Variants in ZBTB45 observed in about 807,000 individuals in gnomAD.
ZBTB45 encodes the protein zinc finger and BTB domain-containing protein 45.
Under a neutral mutation model 28.4 loss-of-function variants are expected in ZBTB45, and 22 were observed. The ratio of observed to expected loss-of-function variants is 0.77; its 90% CI spans 0.55 to 1.10. ZBTB45 has a LOEUF of 1.10. Ranked by LOEUF, ZBTB45 falls within the 50% of genes least tolerant of loss-of-function variation. The pLI, the probability that ZBTB45 is intolerant of heterozygous loss-of-function variation, is 0.00. For missense variants in ZBTB45, 656 were observed against 750.2 expected (o/e 0.87, Z 1.47); for synonymous variants, 361 against 332.3 (o/e 1.09, Z -0.94).
At position 58,514,307 on chromosome 19, in the gene ZBTB45, T is replaced by A. The variant is rs1299990990; in HGVS notation, c.1283A>T (p.Glu428Val). ...YTKHMFIHSGEKPHQCAVCWR... is the reference protein window; with the variant it reads ...YTKHMFIHSGVKPHQCAVCWR... Reference sequence around the variant, plus strand: ...GCACACGGCGCACTGGTGCGGCTTCTCCCCTGCGGAAGACAGGGCGGGCCG... The same window carrying A: ...GCACACGGCGCACTGGTGCGGCTTCACCCCTGCGGAAGACAGGGCGGGCCG... Residue 428 changes from glutamate to valine, a missense_variant, in exon 3 of 3, where the codon GAG becomes GTG. By Grantham distance (121) the Glu-to-Val change is moderately radical. Transcript: ENST00000594051. 3 of 1,599,026 alleles carry A rather than the reference T, an allele frequency of 1.9e-6. No individual in the cohort carries two copies.
At chr19:58,524,222 C>T (rs113742427), upstream of ZBTB45, among the ~76,000 whole-genome samples, 32,756 of 149,988 alleles carry the variant, frequency 0.22, 4,200 homozygotes, top group Non-Finnish European at 0.29. Context: ...ATTAGCCAGG[C>T]GTGGTGGTGG....
rs56179578 is a variant in ZBTB45, at chr19:58,517,605, G to A, written c.69C>T (p.Leu23=). Reference sequence around the variant, plus strand: ...AGTGTCCCCCAAGCCTCTGCCCATTGAGGGTCTCAAGCAGAGAGCGTGAGA... The same window carrying A: ...AGTGTCCCCCAAGCCTCTGCCCATTAAGGGTCTCAAGCAGAGAGCGTGAGA... ...QNFSRSLLET[L]NGQRLGGHFC... Residue 23 remains leucine, a synonymous_variant, in exon 2 of 3, where the codon CTC becomes CTT. Transcript: ENST00000594051. 6.2e-7 allele frequency: 1 copy of A among 1,613,972 alleles called. No homozygotes were observed. The highest frequency in any genetic ancestry group is 8.5e-7 in the Non-Finnish European group (1 of 1,179,974).
At chr19:58,525,490 G>A (rs754724002) in intron 1 of ZBTB45, among the ~76,000 whole-genome samples, 8 of 152,190 alleles carry the variant, frequency 5.3e-5, no homozygotes, top group African/African-American at 1.7e-4. Context: ...CATGGGAGCC[G>A]TGTGAGGTGT....
At chr19:58,525,454 G>A (rs1444124197) in intron 1 of ZBTB45, among the ~76,000 whole-genome samples, 1 of 152,204 alleles carries the variant, frequency 6.6e-6, no homozygotes, top group Non-Finnish European at 1.5e-5. Context: ...GTGAAGACTT[G>A]AGCCCTTCTG....
chr19:58,514,142 G>T lies in ZBTB45; in HGVS notation c.1448C>A (p.Pro483His). ...GCAGGCGGGGCAGGGCGCGCGCTCG[G>T]GCCGGTGAGTGCGCATGTGCACGTT... ...SLNVHMRTHR[P>H]ERAPCPACGK... Residue 483 changes from proline (P) to histidine (H), a missense_variant, in exon 3 of 3, where the codon CCC becomes CAC. Physicochemically the swap from Pro to His is moderately conservative, Grantham distance 77. This residue lies in a region of ZBTB45 where 103 missense variants were observed against 153.5 expected (regional missense o/e 0.67). Coordinates refer to ENST00000594051, the MANE Select transcript of ZBTB45 (RefSeq NM_001316979.2). 1 of 1,606,072 alleles carries T rather than the reference G, an allele frequency of 6.2e-7. No homozygotes were observed.
At position 58,517,088 on chromosome 19, in the gene ZBTB45, C is replaced by T. The variant is rs976213344; in HGVS notation, c.586G>A (p.Asp196Asn). ...TPAKAEGPDA[D>N]PSLSAAPDDR... ...TCAGGGGCCGCGGACAGTGAGGGGT[C>T]AGCATCAGGCCCCTCAGCCTTGGCA... The change falls in exon 2 of 3, where the codon GAC becomes AAC. Residue 196 changes from aspartate (D) to asparagine (N), a missense_variant. Physicochemically the swap from Asp to Asn is conservative, Grantham distance 23. Around this residue, in one of 3 missense-constraint regions of ZBTB45, gnomAD observed 448 missense variants for 444.3 expected, o/e 1.01. Coordinates refer to ENST00000594051, the MANE Select transcript of ZBTB45 (RefSeq NM_001316979.2). The T allele has an allele frequency of 1.9e-6, 3 of 1,613,152 alleles. No individual in the cohort carries two copies. Among genetic ancestry groups the T allele is most frequent in the Non-Finnish European group, 2.5e-6 (3 of 1,179,960 alleles).
In ZBTB45 at chr19:58,517,068, G is replaced by A; in HGVS notation, c.606C>T (p.Ala202=). ...GPDADPSLSA[A]PDDRGDEDDE... ...CATCCTCGTCACCTCGGTCATCAGG[G>A]GCCGCGGACAGTGAGGGGTCAGCAT... The change falls in exon 2 of 3, where the codon GCC becomes GCT. Residue 202 remains alanine (A), a synonymous_variant. Transcript: ENST00000594051. 1.2e-6 allele frequency: 2 copies of A among 1,613,218 alleles called. No homozygotes were observed. The highest frequency in any genetic ancestry group is 4.5e-5 in the East Asian group (2 of 44,874).
In ZBTB45 at chr19:58,517,325, C is replaced by T. The variant is rs267605745; in HGVS notation, c.349G>A (p.Glu117Lys). The T allele has an allele frequency of 1.2e-6, 2 of 1,609,784 alleles. No individual in the cohort carries two copies. Among genetic ancestry groups the T allele is most frequent in the Non-Finnish European group, 1.7e-6 (2 of 1,179,476 alleles). ...GCGCGGGCGATAATCTGCGTGCATT[C>T]GTCGATAACTGTCTGTATGCGAAGC... is the stretch of plus-strand genomic sequence containing the variant. ...SVLRIQTVIDECTQIIARARA... is the reference protein window; with the variant it reads ...SVLRIQTVIDKCTQIIARARA... Residue 117 changes from glutamate (E) to lysine (K), a missense_variant, in exon 2 of 3, where the codon GAA becomes AAA. By Grantham distance (56) the Glu-to-Lys change is moderately conservative. This residue lies in a region of ZBTB45 where 448 missense variants were observed against 444.3 expected (regional missense o/e 1.01). Transcript: ENST00000594051.
At chr19:58,521,080 A>AG (rs1568647130), upstream of ZBTB45, among the ~76,000 whole-genome samples, 2 of 64,628 alleles carry the variant, frequency 3.1e-5, no homozygotes, top group African/African-American at 1.0e-4. Context: ...AAAAAAAAAA[A>AG]AAGGCCGGGC....
rs1265021442 is a variant in ZBTB45, at chr19:58,517,120, G to A, written c.554C>T (p.Pro185Leu). The change falls in exon 2 of 3, where the codon CCA (proline) becomes CTA (leucine). Residue 185 changes from proline to leucine, a missense_variant. Pro to Leu is a moderately conservative substitution (Grantham distance 98). Transcript: ENST00000594051. ...AGGCCCCTCAGCCTTGGCAGGTGTTGGGGGCGCTGGCAGCTGCAAACGCGC... is the reference window on the plus strand; with the variant it reads ...AGGCCCCTCAGCCTTGGCAGGTGTTAGGGGCGCTGGCAGCTGCAAACGCGC... ...QPARLQLPAP[P>L]TPAKAEGPDA... 2 of 1,612,880 alleles carry A rather than the reference G, an allele frequency of 1.2e-6. No homozygotes were observed. Among genetic ancestry groups the A allele is most frequent in the Non-Finnish European group, 1.7e-6 (2 of 1,179,838 alleles).
At position 58,515,877 on chromosome 19, in the gene ZBTB45, C is replaced by T. The variant is rs2053485766; in HGVS notation, c.1279+518G>A. Among the ~76,000 whole-genome samples the T allele has an allele frequency of 6.6e-6, 1 of 152,100 alleles. No homozygotes were observed. The highest frequency in any genetic ancestry group is 6.5e-5 in the Admixed American group (1 of 15,270). On this transcript the variant is annotated intron_variant, in intron 2 of 2. Transcript: ENST00000594051. The surrounding 1 kb of genome is among the most constrained non-coding windows in gnomAD (Gnocchi z 4.7). ...CGGGGTCCTCTGCAGCTGTGGAGTC[C>T]CCACACTACCTATGTTTTCCTACTC...
chr19:58,538,114 A>C (rs1001721565), intron 1 of ZBTB45, among the ~76,000 whole-genome samples: 1 of 152,048 alleles, frequency 6.6e-6, no homozygotes, highest in African/African-American at 2.4e-5. Flanking sequence ...CTGGGATTAC[A>C]GACGTGAGCC....
In ZBTB45 at chr19:58,515,787, C is replaced by T. The variant is rs903274509; in HGVS notation, c.1279+608G>A. ...ACCACCCTCCCACTCTTTACCTCTC[C>T]TGCAGCACTGCAGAGCCGCCTCCCT... On this transcript the variant is annotated intron_variant, in intron 2 of 2. Coordinates refer to ENST00000594051, the MANE Select transcript of ZBTB45 (RefSeq NM_001316979.2). This position sits in a 1 kb window ranked among gnomAD's most constrained non-coding sequence, Gnocchi z 4.7. Among the ~76,000 whole-genome samples the T allele has an allele frequency of 3.3e-5, 5 of 152,202 alleles. No individual in the cohort carries two copies. The highest frequency in any genetic ancestry group is 9.7e-5 in the African/African-American group (4 of 41,440).
At position 58,537,006 on chromosome 19, in the gene ZBTB45, C is replaced by T. The variant is rs930771951; in HGVS notation, c.-1+1695G>A. 1.7e-4 allele frequency among the ~76,000 whole-genome samples: 26 copies of T among 152,198 alleles called. 1 individual carries two copies. The highest frequency in any genetic ancestry group is 7.4e-5 in the Non-Finnish European group (5 of 68,012). ...GTATAAGGGATACTGACTGCTCTGC[C>T]GGGCCACCTGGGGAGCGGAGCCAAC... is the stretch of plus-strand genomic sequence containing the variant. On this transcript the variant is annotated intron_variant, in intron 1 of 1. Coordinates refer to the ZBTB45 transcript ENST00000600130.
chr19:58,533,008 A>AT (rs1337864851), intron 1 of ZBTB45, among the ~76,000 whole-genome samples: 3 of 149,624 alleles, frequency 2.0e-5, no homozygotes, highest in East Asian at 2.0e-4. Flanking sequence ...CTAATTTTGT[A>AT]TTTTTTTAGT....
intron 1 of ZBTB45, among the ~76,000 whole-genome samples, chr19:58,529,639 G>C (rs1369399693): frequency 6.6e-6 from 1 of 152,086 alleles, no homozygotes; most frequent in African/African-American, 2.4e-5. Flanking sequence ...TTTAAGTTCT[G>C]TGATACATGT....
At chr19:58,517,906 AT>A (rs1046743510) in intron 1 of ZBTB45, among the ~76,000 whole-genome samples, 8 of 135,740 alleles carry the variant, frequency 5.9e-5, no homozygotes, top group Admixed American at 3.7e-4. Context: ...ACAGCCCCCC[AT>A]TAACGCTGCA....
intron 1 of ZBTB45, among the ~76,000 whole-genome samples, chr19:58,536,390 C>T (rs1170602294): frequency 2.0e-5 from 3 of 147,870 alleles, no homozygotes; most frequent in South Asian, 2.3e-4. Context: ...GGCGTGAACC[C>T]GGGAGGCGGA....
At chr19:58,518,719 C>T (rs2053547073) in intron 1 of ZBTB45, among the ~76,000 whole-genome samples, 1 of 152,136 alleles carries the variant, frequency 6.6e-6, no homozygotes, top group African/African-American at 2.4e-5. Flanking sequence ...TTCTATCAAA[C>T]AAGGGATGAG....
Sources: gnomAD v4.1 joint callset for allele counts (sites outside exome capture counted in the v4.1 genomes callset) on GRCh38, gnomAD v4.1.1 for gene constraint, gnomAD v4.1.1 regional missense constraint, Gnocchi (gnomAD v3.1) non-coding constraint, MANE v1.5 for transcripts, NCBI Gene and HGNC (gene_info 2026-07-23, HGNC 2026-07-21) for gene names.